Variants in TET2 observed in about 807,000 individuals in gnomAD.
TET2 encodes tet methylcytosine dioxygenase 2, also known as methylcytosine dioxygenase TET2.
TET2 carries 299 observed loss-of-function variants against 142.9 expected under a neutral mutation model. That is an observed-to-expected ratio of 2.09 (90% CI 1.90 to 2.30). The LOEUF (loss-of-function observed/expected upper bound fraction) is 2.30. Ranked by LOEUF, TET2 falls within the 30% of genes most tolerant of loss-of-function variation. The pLI is 0.00. For missense variants in TET2, 2,418 were observed against 2,378.0 expected (o/e 1.02, Z -0.35); for synonymous variants, 819 against 849.0 (o/e 0.96, Z 0.61).
chr4:105,256,539 T>C (rs1456389162), intron 6 of TET2, among the ~76,000 whole-genome samples: 1 of 152,158 alleles, frequency 6.6e-6, no homozygotes, highest in African/African-American at 2.4e-5. Context: ...GTGTTGGCTT[T>C]CAGCAGTTTG....
At position 105,235,575 on chromosome 4, in the gene TET2, G is replaced by GA; in HGVS notation, c.1634dup (p.Asp545GlufsTer22). ...AGAGCAAGAGATTCTGAAGGGTCGAGACAAGGAGCAAACACGAGATCTTGT... is the reference window on the plus strand; with the variant it reads ...AGAGCAAGAGATTCTGAAGGGTCGAGAACAAGGAGCAAACACGAGATCTTGT... On this transcript the variant is annotated frameshift_variant, in exon 3 of 11. Transcript: ENST00000380013. LOFTEE classifies it high-confidence loss of function. 6.2e-7 allele frequency: 1 copy of GA among 1,614,180 alleles called. No homozygotes were observed. The highest frequency in any genetic ancestry group is 8.5e-7 in the Non-Finnish European group (1 of 1,180,016).
At chr4:105,207,569 A>G (rs1726903136) in intron 2 of TET2, among the ~76,000 whole-genome samples, 1 of 152,086 alleles carries the variant, frequency 6.6e-6, no homozygotes, top group African/African-American at 2.4e-5. Context: ...TTAAGGGATC[A>G]TAAAAGGAAC....
intron 1 of TET2, among the ~76,000 whole-genome samples, chr4:105,149,377 A>C (rs1723192693): frequency 6.6e-6 from 1 of 152,200 alleles, no homozygotes; most frequent in Non-Finnish European, 1.5e-5. Flanking sequence ...TTTATACTGA[A>C]AATAGCTGCT....
intron 6 of TET2, among the ~76,000 whole-genome samples, chr4:105,252,922 T>C (rs1729942030): frequency 6.6e-6 from 1 of 152,200 alleles, no homozygotes; most frequent in Admixed American, 6.5e-5. Context: ...CTTTGCTACT[T>C]TGTCAAAGAT....
At position 105,236,218 on chromosome 4, in the gene TET2, C is replaced by CTT; in HGVS notation, c.2279_2280dup (p.Pro761PhefsTer53). ...AAGAATAAAGAGGAAATACTCCAGA[C>CTT]TTTTCCTCACCCCCAAAGCAACAAT... is the stretch of plus-strand genomic sequence containing the variant. On this transcript the variant is annotated frameshift_variant, in exon 3 of 11. Transcript: ENST00000380013. LOFTEE classifies it high-confidence loss of function. The CTT allele has an allele frequency of 6.2e-7, 1 of 1,614,106 alleles. No homozygotes were observed. The highest frequency in any genetic ancestry group is 8.5e-7 in the Non-Finnish European group (1 of 1,180,000).
intron 1 of TET2, among the ~76,000 whole-genome samples, chr4:105,151,154 TA>T (rs764521714): frequency 2.0e-5 from 3 of 151,988 alleles, no homozygotes; most frequent in Non-Finnish European, 4.4e-5. Flanking sequence ...CCCCAGTCTC[TA>T]CAAAAAATTT....
intron 2 of TET2, among the ~76,000 whole-genome samples, chr4:105,218,910 A>G (rs892673381): frequency 6.6e-6 from 1 of 151,980 alleles, no homozygotes; most frequent in African/African-American, 2.4e-5. Context: ...AACATGCTAT[A>G]TAATTTTAGG....
Position 105,277,976 on chromosome 4 carries a change from G to A in TET2, c.*1457G>A, listed in dbSNP as rs1731294102. ...GAGCAGACTGATGCCTGCATAAGAT[G>A]AATAAACAGGGTTAGTTCCATGTGA... is the stretch of plus-strand genomic sequence containing the variant. On this transcript the variant is annotated 3_prime_UTR_variant, in exon 11 of 11. Transcript: ENST00000380013. The A allele has an allele frequency of 4.7e-6, 1 of 214,296 alleles. No homozygotes were observed. Among genetic ancestry groups the A allele is most frequent in the Non-Finnish European group, 9.4e-6 (1 of 106,346 alleles). 13.3% of individuals were successfully genotyped at this position (214,296 alleles called of 1,614,324 possible). A position where few individuals can be genotyped will look rare whatever the true frequency, so the allele number is the denominator to read the frequency against.
Position 105,235,780 on chromosome 4 carries a change from GGGGGCTCCCAA to G in TET2, c.1841_1851del (p.Gly614AlafsTer20). On this transcript the variant is annotated frameshift_variant, in exon 3 of 11. Coordinates refer to ENST00000380013, the MANE Select transcript of TET2 (RefSeq NM_001127208.3). LOFTEE classifies it high-confidence loss of function. ...TACACTGGAAATTCCAACATGCCTG[GGGGGCTCCCAA>G]GGCAAGCTTACACCCAGAAAACAAC... 1 of 1,614,040 alleles carries G rather than the reference GGGGGCTCCCAA, an allele frequency of 6.2e-7. No individual in the cohort carries two copies. Among genetic ancestry groups the G allele is most frequent in the Non-Finnish European group, 8.5e-7 (1 of 1,180,016 alleles).
intron 1 of TET2, among the ~76,000 whole-genome samples, chr4:105,154,538 G>A (rs1723467076): frequency 6.6e-6 from 1 of 152,054 alleles, no homozygotes; most frequent in Non-Finnish European, 1.5e-5. Flanking sequence ...TAGATGAGAA[G>A]GATACTTAAT....
rs1731221059 is a variant in TET2 at position 105,276,314 on chromosome 4, A to G, written c.5804A>G (p.Tyr1935Cys). ...AREKEEECEK[Y>C]GPDYVPQKSH... ...GAGAAAGAGGAAGAGTGTGAAAAGT[A>G]TGGCCCAGACTATGTGCCTCAGAAA... The change falls in exon 11 of 11, where the codon TAT becomes TGT. Residue 1935 changes from tyrosine (Y) to cysteine (C), a missense_variant. Transcript: ENST00000380013. 1.3e-6 allele frequency: 2 copies of G among 1,551,624 alleles called. No homozygotes were observed. Among genetic ancestry groups the G allele is most frequent in the African/African-American group, 2.7e-5 (2 of 73,026 alleles).
At chr4:105,250,097 T>C (rs1729788970) in intron 6 of TET2, among the ~76,000 whole-genome samples, 1 of 152,336 alleles carries the variant, frequency 6.6e-6, no homozygotes. Context: ...AGAGTCCAAC[T>C]TCATTCCTTT....
Position 105,235,005 on chromosome 4 carries a change from G to T in TET2, c.1063G>T (p.Gly355Cys), listed in dbSNP as rs746075075. The T allele has an allele frequency of 1.2e-6, 2 of 1,613,992 alleles. No individual in the cohort carries two copies. The highest frequency in any genetic ancestry group is 2.2e-5 in the East Asian group (1 of 44,874). The change falls in exon 3 of 11, where the codon GGT becomes TGT. Residue 355 changes from glycine (G) to cysteine (C), a missense_variant. By Grantham distance (159) the Gly-to-Cys change is radical. Coordinates refer to ENST00000380013, the MANE Select transcript of TET2 (RefSeq NM_001127208.3). ...KLASGEEFCS[G>C]SSSNLQAPGG... The stretch of plus-strand genomic sequence containing the variant: ...AGCGTCTGGTGAAGAATTCTGTTCA[G>T]GTTCCAGCAGCAATTTGCAAGCTCC...
intron 9 of TET2, among the ~76,000 whole-genome samples, chr4:105,271,027 T>C (rs1157300892): frequency 2.0e-5 from 3 of 152,324 alleles, no homozygotes; most frequent in East Asian, 1.9e-4. Context: ...TGGAAAACTC[T>C]TCTCTATAAA....
chr4:105,243,824 G>A (rs2110256435), intron 6 of TET2, 46 bp downstream of exon 6: 3 of 1,505,356 alleles, frequency 2.0e-6, no homozygotes, highest in East Asian at 2.5e-5. Flanking sequence ...CCACTGATAG[G>A]AAAGCCCAAT....
At chr4:105,224,426 G>C (rs952857925) in intron 2 of TET2, among the ~76,000 whole-genome samples, 1 of 152,156 alleles carries the variant, frequency 6.6e-6, no homozygotes, top group Admixed American at 6.6e-5. Flanking sequence ...TTAGACTGCA[G>C]AGTCAGTCCT....
intron 2 of TET2, among the ~76,000 whole-genome samples, chr4:105,212,093 G>A (rs1299793841): frequency 6.6e-6 from 1 of 152,176 alleles, no homozygotes; most frequent in Non-Finnish European, 1.5e-5. Context: ...AGCTTCAAGG[G>A]AAATTGAGTT....
At chr4:105,207,835 T>C (rs1385778856) in intron 2 of TET2, among the ~76,000 whole-genome samples, 2 of 152,168 alleles carry the variant, frequency 1.3e-5, no homozygotes, top group Non-Finnish European at 2.9e-5. Context: ...GATTGATAGG[T>C]TATTTTTTAA....
At chr4:105,157,966 C>T (rs1408547307) in intron 1 of TET2, among the ~76,000 whole-genome samples, 1 of 152,158 alleles carries the variant, frequency 6.6e-6, no homozygotes, top group Non-Finnish European at 1.5e-5. Flanking sequence ...CATGAGCCAT[C>T]GGCCTGGCCA....
Sources: allele counts gnomAD v4.1 joint callset (sites outside exome capture counted in the v4.1 genomes callset), GRCh38; gene constraint gnomAD v4.1.1; transcripts MANE v1.5; gene names NCBI Gene and HGNC (gene_info 2026-07-23, HGNC 2026-07-21).